The following RRP15 variants were observed in gnomAD, a reference collection of about 807,000 sequenced individuals.
RRP15 encodes RRP15-like protein.
Under a neutral mutation model 27.1 loss-of-function variants are expected in RRP15, and 18 were observed. The observed-to-expected ratio is 0.66, with a 90% CI of 0.46 to 0.98. The LOEUF (loss-of-function observed/expected upper bound fraction) is 0.98, where lower values mean the gene tolerates loss of function less well. RRP15 is among the 50% of genes least tolerant of loss of function. The probability of loss-of-function intolerance (pLI) is 0.00; values close to 1 mark genes in which losing one functional copy is unlikely to be tolerated. For synonymous variants in RRP15, 107 were observed against 109.4 expected, an observed-to-expected ratio of 0.98 and a Z score of 0.14; for missense variants, 359 against 337.8, an observed-to-expected ratio of 1.06 and a Z score of -0.49.
At chr1:218,329,306 G>A (rs1656328792) in intron 4 of RRP15, among the ~76,000 whole-genome samples, 2 of 145,664 alleles carry the variant, frequency 1.4e-5, no homozygotes, top group South Asian at 4.4e-4. Context: ...TGTAGTCCCA[G>A]CTACTCTGGA....
chr1:218,301,683 G>A (rs1655813290), intron 1 of RRP15: 1 of 151,900 alleles, frequency 6.6e-6, no homozygotes. Context: ...CTAGTATCTT[G>A]GGCACGTTGT....
intron 1 of RRP15, among the ~76,000 whole-genome samples, chr1:218,286,215 C>T (rs966547089): frequency 1.6e-4 from 24 of 152,276 alleles, no homozygotes; most frequent in African/African-American, 5.8e-4. Flanking sequence ...TTGAGATGAT[C>T]CAGTGGCTTC....
intron 4 of RRP15, among the ~76,000 whole-genome samples, chr1:218,330,539 T>C (rs565158651): frequency 1.1e-4 from 16 of 152,186 alleles, no homozygotes; most frequent in Non-Finnish European, 1.9e-4. Context: ...CTTTGTTAAA[T>C]TGTCAGTTGC....
At chr1:218,330,714 TC>T (rs1448437126) in intron 4 of RRP15, among the ~76,000 whole-genome samples, 2 of 152,204 alleles carry the variant, frequency 1.3e-5, no homozygotes, top group Non-Finnish European at 2.9e-5. Flanking sequence ...CTTTCATGTT[TC>T]TTTTATGGAG....
chr1:218,295,283 T>G (rs991396207), intron 1 of RRP15, among the ~76,000 whole-genome samples: 4 of 152,190 alleles, frequency 2.6e-5, no homozygotes, highest in Non-Finnish European at 5.9e-5. Context: ...CTAACTAGGT[T>G]CTTAAGATTG....
intron 1 of RRP15, among the ~76,000 whole-genome samples, chr1:218,295,695 C>T (rs1655707938): frequency 6.6e-6 from 1 of 152,116 alleles, no homozygotes; most frequent in South Asian, 2.1e-4. Context: ...AGCAAAGGAA[C>T]ATGCCTAAGA....
intron 4 of RRP15, among the ~76,000 whole-genome samples, chr1:218,316,355 A>G (rs1656089637): frequency 6.6e-6 from 1 of 152,212 alleles, no homozygotes; most frequent in Non-Finnish European, 1.5e-5. Context: ...CTTTAAAAAA[A>G]AATTATCCTG....
At chr1:218,323,550 C>T (rs540684407) in intron 4 of RRP15, among the ~76,000 whole-genome samples, 1 of 152,290 alleles carries the variant, frequency 6.6e-6, no homozygotes, top group East Asian at 1.9e-4. Context: ...ACTGGCAGCC[C>T]GGTCCCCAGG....
At chr1:218,304,997 A>AT (rs1558205472) in intron 2 of RRP15, 31 bp from the exon 3 acceptor site, 1 of 1,573,498 alleles carries the variant, frequency 6.4e-7, no homozygotes, top group African/African-American at 1.3e-5. Flanking sequence ...AATATCTAAT[A>AT]TTCTTTCACA....
At chr1:218,303,337 T>G (rs1450661487) in intron 2 of RRP15, among the ~76,000 whole-genome samples, 1 of 152,238 alleles carries the variant, frequency 6.6e-6, no homozygotes, top group Non-Finnish European at 1.5e-5. Context: ...AGGTTTGAAC[T>G]GACATATATT....
At chr1:218,311,375 A>G (rs1219101424) in intron 4 of RRP15, among the ~76,000 whole-genome samples, 1 of 152,192 alleles carries the variant, frequency 6.6e-6, no homozygotes, top group Non-Finnish European at 1.5e-5. Flanking sequence ...TTCAATGTGA[A>G]TATTGTTCAC....
Position 218,307,646 on chromosome 1 carries a change from T to C in RRP15, c.705+14T>C. 3 of 1,584,132 alleles carry C rather than the reference T, an allele frequency of 1.9e-6. No individual in the cohort carries two copies. Among genetic ancestry groups the C allele is most frequent in the Non-Finnish European group, 2.6e-6 (3 of 1,154,608 alleles). ...AAAGCCAAACAGGTAAAAACTTTTCTATAGGATTCAGTGTATCAGACTTTC... is the reference window on the plus strand; with the variant it reads ...AAAGCCAAACAGGTAAAAACTTTTCCATAGGATTCAGTGTATCAGACTTTC... On this transcript the variant is annotated intron_variant, in intron 4 of 4. Transcript: ENST00000366932.
At chr1:218,323,706 T>C (rs1489325636) in intron 4 of RRP15, among the ~76,000 whole-genome samples, 1 of 152,170 alleles carries the variant, frequency 6.6e-6, no homozygotes, top group East Asian at 1.9e-4. Context: ...GAGCTGCCCT[T>C]AGCCCCACCT....
At chr1:218,320,534 G>C (rs1402841213) in intron 4 of RRP15, among the ~76,000 whole-genome samples, 1 of 151,870 alleles carries the variant, frequency 6.6e-6, no homozygotes, top group Non-Finnish European at 1.5e-5. Context: ...TAAATGTTGA[G>C]GAAAATCAAT....
chr1:218,305,367 G>A (rs185911335), intron 3 of RRP15, among the ~76,000 whole-genome samples: 1 of 152,250 alleles, frequency 6.6e-6, no homozygotes. Context: ...TTATAGTCAC[G>A]AGAACTGTGT....
rs150617495 is a variant in RRP15 at position 218,334,160 on chromosome 1, T to A, written c.*3069T>A. The A allele has an allele frequency of 2.6e-3, 391 of 152,288 alleles. 2 individuals are homozygous for A. Among genetic ancestry groups the A allele is most frequent in the African/African-American group, 9.0e-3 (375 of 41,564 alleles). The allele number at this position is 152,288 out of a possible 1,614,324, so 9.4% of individuals were successfully genotyped here. ...ATTAGGACTGAAAATAGAATTATCT[T>A]AGTAGTTTAGCACTTTTTATAATGG... On this transcript the variant is annotated 3_prime_UTR_variant, in exon 5 of 5. Coordinates refer to ENST00000366932, the MANE Select transcript of RRP15 (RefSeq NM_016052.4).
intron 4 of RRP15, among the ~76,000 whole-genome samples, chr1:218,316,317 T>TATTG (rs1332684064): frequency 6.6e-6 from 1 of 152,154 alleles, no homozygotes; most frequent in Non-Finnish European, 1.5e-5. Context: ...TGGCTGCCTG[T>TATTG]ATTGGATTTT....
At chr1:218,330,169 T>C (rs1656343679) in intron 4 of RRP15, among the ~76,000 whole-genome samples, 1 of 152,092 alleles carries the variant, frequency 6.6e-6, no homozygotes, top group African/African-American at 2.4e-5. Flanking sequence ...TCAATAAATA[T>C]TTGTGGAAGG....
At position 218,336,073 on chromosome 1, in the gene RRP15, C is replaced by T. The variant is rs1305581611; in HGVS notation, c.*4982C>T. The stretch of plus-strand genomic sequence containing the variant: ...TGAGAACTGCCGGAGCAACAGATAC[C>T]ACCATGTAAGGAGTGAATTCCCATG... On this transcript the variant is annotated 3_prime_UTR_variant, in exon 5 of 5. Coordinates refer to ENST00000366932, the MANE Select transcript of RRP15 (RefSeq NM_016052.4). 2 of 152,064 alleles carry T rather than the reference C, an allele frequency of 1.3e-5. No individual in the cohort carries two copies. Among genetic ancestry groups the T allele is most frequent in the Non-Finnish European group, 2.9e-5 (2 of 68,004 alleles). The allele number at this position is 152,064 out of a possible 1,614,324, so 9.4% of individuals were successfully genotyped here.
Sources: allele counts gnomAD v4.1 joint callset (sites outside exome capture counted in the v4.1 genomes callset), GRCh38; gene constraint gnomAD v4.1.1; transcripts MANE v1.5; gene names NCBI Gene and HGNC (gene_info 2026-07-23, HGNC 2026-07-21).